Variants in CASK observed in about 807,000 individuals in gnomAD.
CASK encodes peripheral plasma membrane protein CASK.
In CASK, 4 loss-of-function variants were observed where a neutral mutation model predicts 82.9. The observed-to-expected ratio is 0.05, with a 90% CI of 0.02 to 0.11. The LOEUF is 0.11. CASK is among the 10% of genes least tolerant of loss of function. CASK has a pLI of 1.00. For synonymous variants in CASK, 259 were observed against 253.5 expected (o/e 1.02, Z -0.20); for missense variants, 358 against 720.9 (o/e 0.50, Z 5.76).
intron 22 of CASK, among the ~76,000 whole-genome samples, chrX:41,541,556 G>A (rs2064946243): frequency 8.9e-6 from 1 of 112,389 alleles, no homozygotes; most frequent in African/African-American, 3.2e-5. Flanking sequence ...CTAATGCGAA[G>A]GGAATGATTC....
intron 8 of CASK, among the ~76,000 whole-genome samples, chrX:41,644,026 G>A (rs925409933): frequency 8.9e-6 from 1 of 112,029 alleles, no homozygotes; most frequent in Non-Finnish European, 1.9e-5. Flanking sequence ...CATCTATTGA[G>A]GTAATCATGT....
chrX:41,583,784 C>T (rs1217396104), intron 14 of CASK, among the ~76,000 whole-genome samples: 1 of 110,750 alleles, frequency 9.0e-6, no homozygotes, highest in African/African-American at 3.3e-5. Flanking sequence ...CTCTGTTGCC[C>T]AGGCTGAAGT....
At position 41,739,435 on chromosome X, in the gene CASK, C is replaced by T; in HGVS notation, c.378G>A (p.Leu126=). 8.5e-7 allele frequency: 1 copy of T among 1,170,159 alleles called. No individual in the cohort carries two copies. Among genetic ancestry groups the T allele is most frequent in the Non-Finnish European group, 1.2e-6 (1 of 858,157 alleles). ...AVASHYMRQI[L]EALRYCHDNN... ...TATCATGGCAGTAGCGTAGAGCTTC[C>T]AGTATCTGTCTCATATAATGGCTGT... Residue 126 remains leucine, a synonymous_variant, in exon 5 of 27, where the codon CTG becomes CTA. Coordinates refer to ENST00000378163, the MANE Select transcript of CASK (RefSeq NM_001367721.1).
chrX:41,573,129 C>T (rs779474742), intron 15 of CASK, among the ~76,000 whole-genome samples: 176 of 94,929 alleles, frequency 1.9e-3, no homozygotes, highest in Non-Finnish European at 1.8e-3. Context: ...GGCTGGAGTG[C>T]GGTGGCATGA....
intron 1 of CASK, among the ~76,000 whole-genome samples, chrX:41,858,184 G>T (rs763921225): frequency 5.0e-4 from 56 of 112,021 alleles, no homozygotes; most frequent in Non-Finnish European, 9.0e-4. Flanking sequence ...CCCCAGGAAT[G>T]CAAGGAAGGG....
intron 1 of CASK, among the ~76,000 whole-genome samples, chrX:41,856,941 CAG>C (rs776972018): frequency 2.3e-4 from 25 of 110,696 alleles, no homozygotes; most frequent in Admixed American, 4.8e-4. Flanking sequence ...TTTTGACTAA[CAG>C]GGGGAATATT....
intron 2 of CASK, among the ~76,000 whole-genome samples, chrX:41,848,858 A>G (rs1601900932): frequency 8.9e-6 from 1 of 111,932 alleles, no homozygotes; most frequent in East Asian, 2.8e-4. Flanking sequence ...GGGACAAATT[A>G]TTATACAATG....
chrX:41,921,245 C>T (rs1198173998), intron 1 of CASK, among the ~76,000 whole-genome samples: 2 of 111,766 alleles, frequency 1.8e-5, no homozygotes, highest in East Asian at 5.5e-4. Context: ...TTTTATGAAA[C>T]CTAAATACAG....
At chrX:41,629,108 T>C (rs760365072) in intron 9 of CASK, among the ~76,000 whole-genome samples, 1 of 112,183 alleles carries the variant, frequency 8.9e-6, no homozygotes, top group East Asian at 2.8e-4. Flanking sequence ...TTTAAATTTA[T>C]CTGTCTTATG....
chrX:41,525,384 C>T (rs184158567), intron 25 of CASK, among the ~76,000 whole-genome samples: 2 of 110,939 alleles, frequency 1.8e-5, no homozygotes, highest in Admixed American at 1.9e-4. Flanking sequence ...TTACTACTCC[C>T]TCTGCCTGAA....
At chrX:41,548,962 C>G (rs773807119) in intron 21 of CASK, among the ~76,000 whole-genome samples, 18 of 111,389 alleles carry the variant, frequency 1.6e-4, no homozygotes, top group African/African-American at 5.5e-4. Flanking sequence ...GCACAGAAAC[C>G]GTGTTAGGGT....
In CASK at chrX:41,729,399, C is replaced by T. The variant is rs73193132; in HGVS notation, c.429+9985G>A. Reference sequence around the variant, plus strand: ...ATATATTATTTTAATCACCACAACTCTAAAGTATACTAATTTACTGATGAA... The same window carrying T: ...ATATATTATTTTAATCACCACAACTTTAAAGTATACTAATTTACTGATGAA... On this transcript the variant is annotated intron_variant, in intron 5 of 26. Transcript: ENST00000378163. The T allele has an allele frequency of 7.2e-3, 879 of 121,774 alleles. 4 individuals are homozygous for T. The highest frequency in any genetic ancestry group is 0.012 in the Non-Finnish European group (628 of 52,955). 10.0% of individuals were successfully genotyped at this position (121,774 alleles called of 1,213,427 possible). A position where few individuals can be genotyped will look rare whatever the true frequency, so the allele number is the denominator to read the frequency against.
At chrX:41,912,993 C>T (rs994538956) in intron 1 of CASK, among the ~76,000 whole-genome samples, 1 of 108,618 alleles carries the variant, frequency 9.2e-6, no homozygotes, top group African/African-American at 3.4e-5. Flanking sequence ...AGGAGAAGAC[C>T]GACAAATCAT....
chrX:41,801,185 C>A (rs924402602), intron 2 of CASK, among the ~76,000 whole-genome samples: 8 of 111,767 alleles, frequency 7.2e-5, no homozygotes, highest in Admixed American at 2.9e-4. Flanking sequence ...GAAAAGACTT[C>A]AAAGCAGCTA....
intron 5 of CASK, among the ~76,000 whole-genome samples, chrX:41,705,602 C>T (rs1294045296): frequency 1.8e-5 from 2 of 110,881 alleles, no homozygotes; most frequent in African/African-American, 3.3e-5. Context: ...GGTTTTTCTC[C>T]GTCTAATCAG....
intron 11 of CASK, among the ~76,000 whole-genome samples, chrX:41,613,813 C>T (rs1229679415): frequency 1.8e-5 from 2 of 111,143 alleles, no homozygotes; most frequent in Non-Finnish European, 3.8e-5. Context: ...CTATTTCATT[C>T]TGTTCTTATC....
At chrX:41,851,434 T>C (rs1008176683) in intron 2 of CASK, among the ~76,000 whole-genome samples, 10 of 111,832 alleles carry the variant, frequency 8.9e-5, no homozygotes, top group African/African-American at 3.2e-4. Flanking sequence ...CTTTCCCCTT[T>C]TGTAAATTTG....
chrX:41,838,278 C>A (rs777745362), intron 2 of CASK, among the ~76,000 whole-genome samples: 1 of 112,354 alleles, frequency 8.9e-6, no homozygotes, highest in East Asian at 2.8e-4. Context: ...ACCTGTATAA[C>A]CCTTTTTGGG....
intron 2 of CASK, among the ~76,000 whole-genome samples, chrX:41,800,659 C>T (rs911593108): frequency 2.8e-5 from 3 of 108,501 alleles, no homozygotes; most frequent in Non-Finnish European, 5.7e-5. Flanking sequence ...CCCCTTCCCC[C>T]ACCCCACAAC....
Sources: allele counts gnomAD v4.1 joint callset (sites outside exome capture counted in the v4.1 genomes callset), GRCh38; gene constraint gnomAD v4.1.1; transcripts MANE v1.5; gene names NCBI Gene and HGNC (gene_info 2026-07-23, HGNC 2026-07-21).